Variants in SLC10A7 observed in about 807,000 individuals in gnomAD.
SLC10A7 encodes the protein solute carrier family 10 member 7.
A neutral mutation model predicts 43.2 loss-of-function variants in SLC10A7; 29 were observed. That is an observed-to-expected ratio of 0.67 (90% CI 0.50 to 0.92). SLC10A7 has a LOEUF of 0.92. SLC10A7 is among the 40% of genes least tolerant of loss of function. SLC10A7 has a pLI of 0.00. For missense variants in SLC10A7, 295 were observed against 403.2 expected, an observed-to-expected ratio of 0.73 and a Z score of 2.30; for synonymous variants, 152 against 144.8, an observed-to-expected ratio of 1.05 and a Z score of -0.35.
rs564193167 is a variant in SLC10A7, at chr4:146,339,144, T to C, written c.436-13148A>G. On this transcript the variant is annotated intron_variant, in intron 5 of 11. Transcript: ENST00000335472. ...ATAATCAAAAACTGATTCTCTTTTA[T>C]ATAAGACACTCAAAATAATGGTTTA... Among the ~76,000 whole-genome samples, 39 of 152,084 alleles carry C rather than the reference T, an allele frequency of 2.6e-4. No homozygotes were observed. In the South Asian group the frequency reaches 8.1e-3, roughly 32 times the overall value.
Position 146,277,072 on chromosome 4 carries a change from G to A in SLC10A7, c.847+6120C>T, listed in dbSNP as rs1729256802. On this transcript the variant is annotated intron_variant, in intron 10 of 11. Coordinates refer to ENST00000335472, the MANE Select transcript of SLC10A7 (RefSeq NM_001029998.6). ...ATAAAGCAATCTTTTTTAGACCTTG[G>A]GTTGTGACCCATTAGTGAGCTACAA... Among the ~76,000 whole-genome samples, 9 of 152,130 alleles carry A rather than the reference G, an allele frequency of 5.9e-5. No individual in the cohort carries two copies. In the South Asian group the frequency reaches 1.4e-3, roughly 24 times the overall value.
At chr4:146,464,071 C>A (rs745581053) in intron 4 of SLC10A7, among the ~76,000 whole-genome samples, 1 of 151,766 alleles carries the variant, frequency 6.6e-6, no homozygotes, top group Non-Finnish European at 1.5e-5. Flanking sequence ...GCAGTCCTTC[C>A]GCCTTGGCCT....
intron 5 of SLC10A7, among the ~76,000 whole-genome samples, chr4:146,433,902 C>CATATTTTA (rs1181786260): frequency 6.6e-6 from 1 of 151,854 alleles, no homozygotes; most frequent in Non-Finnish European, 1.5e-5. Context: ...GATAGTTTAG[C>CATATTTTA]AATATCAAGA....
chr4:146,307,799 CTCTT>C (rs1355411664), intron 6 of SLC10A7, among the ~76,000 whole-genome samples: 1 of 152,054 alleles, frequency 6.6e-6, no homozygotes, highest in African/African-American at 2.4e-5. Flanking sequence ...TCCCTGGCTC[CTCTT>C]TCTATCTCAA....
At chr4:146,279,318 A>G (rs1442650394) in intron 10 of SLC10A7, among the ~76,000 whole-genome samples, 1 of 152,198 alleles carries the variant, frequency 6.6e-6, no homozygotes, top group Non-Finnish European at 1.5e-5. Flanking sequence ...AACCCTAGAT[A>G]AGCAAAGTGA....
chr4:146,352,787 C>T lies in SLC10A7; in HGVS notation c.436-26791G>A, dbSNP rs1205298774. On this transcript the variant is annotated intron_variant, in intron 5 of 11. Coordinates refer to ENST00000335472, the MANE Select transcript of SLC10A7 (RefSeq NM_001029998.6). ...TGAACAACCTGCTCCTGAATGACTA[C>T]TGGGTACATAACGAAATGAAGGCAG... Among the ~76,000 whole-genome samples the T allele has an allele frequency of 1.3e-4, 18 of 137,438 alleles. 1 individual carries two copies. The highest frequency in any genetic ancestry group is 9.5e-4 in the Admixed American group (13 of 13,648). 90.2% of individuals were successfully genotyped at this position (137,438 alleles called of 152,430 possible).
intron 5 of SLC10A7, among the ~76,000 whole-genome samples, chr4:146,330,586 T>C (rs569561142): frequency 6.6e-6 from 1 of 152,294 alleles, no homozygotes; most frequent in East Asian, 1.9e-4. Flanking sequence ...GAGTCAGCCA[T>C]GATGCATTCA....
chr4:146,385,616 T>C (rs1737938105), intron 5 of SLC10A7, among the ~76,000 whole-genome samples: 1 of 152,164 alleles, frequency 6.6e-6, no homozygotes, highest in South Asian at 2.1e-4. Flanking sequence ...ATAACTTTTA[T>C]TTTAGATGCA....
Position 146,415,877 on chromosome 4 carries a change from G to A in SLC10A7, c.435+26906C>T, listed in dbSNP as rs143854914. Among the ~76,000 whole-genome samples, 154 of 152,158 alleles carry A rather than the reference G, an allele frequency of 1.0e-3. 1 individual carries two copies. In the East Asian group the frequency reaches 0.015, roughly 15 times the overall value. ...ACCAGCTTGAAATATCATAGATTGC[G>A]AATTAGTTAGGTACACAGCCACAAA... On this transcript the variant is annotated intron_variant, in intron 5 of 11. Coordinates refer to ENST00000335472, the MANE Select transcript of SLC10A7 (RefSeq NM_001029998.6).
intron 4 of SLC10A7, among the ~76,000 whole-genome samples, chr4:146,458,259 AT>A (rs994543476): frequency 1.9e-4 from 29 of 151,946 alleles, no homozygotes; most frequent in African/African-American, 6.7e-4. Flanking sequence ...CAGAAAAATC[AT>A]TTGACAAAAT....
At chr4:146,478,357 G>C (rs1405984556) in intron 4 of SLC10A7, 1 of 152,178 alleles carries the variant, frequency 6.6e-6, no homozygotes, top group Admixed American at 6.5e-5. Flanking sequence ...GTGGACGAGA[G>C]TATCAAAATT....
intron 5 of SLC10A7, among the ~76,000 whole-genome samples, chr4:146,419,496 T>C (rs1728806722): frequency 6.6e-6 from 1 of 152,174 alleles, no homozygotes; most frequent in Non-Finnish European, 1.5e-5. Flanking sequence ...GATAACTATT[T>C]TACACTTTTA....
intron 7 of SLC10A7, among the ~76,000 whole-genome samples, chr4:146,300,266 T>C (rs187155358): frequency 6.6e-6 from 1 of 152,306 alleles, no homozygotes; most frequent in East Asian, 1.9e-4. Flanking sequence ...AGATTGATCA[T>C]CAAGGTCCAA....
intron 5 of SLC10A7, among the ~76,000 whole-genome samples, chr4:146,350,450 G>A (rs1299218358): frequency 7.1e-6 from 1 of 141,532 alleles, no homozygotes; most frequent in South Asian, 2.3e-4. Context: ...CAGCGAGGCT[G>A]GGGGAGGGGC....
At chr4:146,286,198 CCGTGTTT>C (rs1729918261) in intron 9 of SLC10A7, among the ~76,000 whole-genome samples, 1 of 148,294 alleles carries the variant, frequency 6.7e-6, no homozygotes, top group Non-Finnish European at 1.5e-5. Context: ...GTGAGAAGGA[CCGTGTTT>C]GGAGTGGTGA....
In SLC10A7 at chr4:146,280,612, A is replaced by G. The variant is rs544498490; in HGVS notation, c.847+2580T>C. ...GTCACTGTCATGGCCTATCCTCTGT[A>G]CCAGAGATGTCAGGTCACCAGTAGA... On this transcript the variant is annotated intron_variant, in intron 10 of 11. Transcript: ENST00000335472. Among the ~76,000 whole-genome samples the G allele has an allele frequency of 1.2e-4, 19 of 152,316 alleles. No homozygotes were observed. In the South Asian group the frequency reaches 3.7e-3, roughly 30 times the overall value.
intron 10 of SLC10A7, among the ~76,000 whole-genome samples, chr4:146,268,506 A>G (rs1728701536): frequency 6.6e-6 from 1 of 152,198 alleles, no homozygotes; most frequent in Admixed American, 6.5e-5. Context: ...TTCGGAAGCC[A>G]TTATCTGGAG....
At chr4:146,375,065 G>A (rs1230236152) in intron 5 of SLC10A7, among the ~76,000 whole-genome samples, 5 of 152,024 alleles carry the variant, frequency 3.3e-5, no homozygotes, top group Non-Finnish European at 7.4e-5. Context: ...AATTAACCAG[G>A]CATGGTGGTG....
intron 5 of SLC10A7, among the ~76,000 whole-genome samples, chr4:146,335,512 A>G (rs557762678): frequency 6.6e-6 from 1 of 152,080 alleles, no homozygotes; most frequent in Non-Finnish European, 1.5e-5. Flanking sequence ...TCCAGAGTTG[A>G]GAACAAAAGG....
Sources: gnomAD v4.1 joint callset for allele counts (sites outside exome capture counted in the v4.1 genomes callset) on GRCh38, gnomAD v4.1.1 for gene constraint, MANE v1.5 for transcripts, NCBI Gene and HGNC (gene_info 2026-07-23, HGNC 2026-07-21) for gene names.